The following MAP3K21 variants were observed in gnomAD, a reference collection of about 807,000 sequenced individuals.
MAP3K21 encodes the protein mitogen-activated protein kinase kinase kinase MLK4.
MAP3K21 carries 63 observed loss-of-function variants against 86.1 expected under a neutral mutation model. The ratio of observed to expected loss-of-function variants is 0.73; its 90% CI spans 0.60 to 0.90. The LOEUF (loss-of-function observed/expected upper bound fraction) is 0.90. Ranked by LOEUF, MAP3K21 falls within the 40% of genes least tolerant of loss-of-function variation. The probability of loss-of-function intolerance (pLI) is 0.00; values close to 1 mark genes in which losing one functional copy is unlikely to be tolerated. For missense variants in MAP3K21, 1,220 were observed against 1,367.7 expected (o/e 0.89, Z 1.70); for synonymous variants, 558 against 564.8 (o/e 0.99, Z 0.17).
intron 6 of MAP3K21, chr1:233,372,396 C>G (rs754397894): frequency 1.3e-4 from 58 of 448,438 alleles, no homozygotes; most frequent in Non-Finnish European, 2.1e-4. Flanking sequence ...CGACCTGGCC[C>G]CGGAGTAGAA....
chr1:233,331,148 C>T (rs1418677989), intron 1 of MAP3K21, among the ~76,000 whole-genome samples: 3 of 152,120 alleles, frequency 2.0e-5, no homozygotes, highest in African/African-American at 7.2e-5. Context: ...TGATTACATG[C>T]TGCTACTTAG....
intron 1 of MAP3K21, among the ~76,000 whole-genome samples, chr1:233,335,382 G>T (rs563309223): frequency 6.6e-6 from 1 of 152,000 alleles, no homozygotes; most frequent in African/African-American, 2.4e-5. Context: ...GCAAAACCAC[G>T]ATTACTTGTA....
chr1:233,354,897 T>C lies in MAP3K21; in HGVS notation c.1197T>C (p.Thr399=). 3 of 1,614,058 alleles carry C rather than the reference T, an allele frequency of 1.9e-6. No individual in the cohort carries two copies. The highest frequency in any genetic ancestry group is 2.5e-6 in the Non-Finnish European group (3 of 1,179,912). ...TTGCCTTAATTCTCGAACAGTTGACTGCTATTGAAGGGGCAGTGATGACTG... is the reference window on the plus strand; with the variant it reads ...TTGCCTTAATTCTCGAACAGTTGACCGCTATTGAAGGGGCAGTGATGACTG... ...PSFALILEQL[T]AIEGAVMTEM... The change falls in exon 4 of 10, where the codon ACT becomes ACC. Residue 399 remains threonine (T), a synonymous_variant. Transcript: ENST00000366624.
chr1:233,363,210 A>T (rs1663499126), intron 5 of MAP3K21, among the ~76,000 whole-genome samples: 1 of 152,202 alleles, frequency 6.6e-6, no homozygotes, highest in Non-Finnish European at 1.5e-5. Flanking sequence ...GAGTGCTCGG[A>T]CGGATTCTAG....
At chr1:233,365,386 G>C (rs144731638) in intron 5 of MAP3K21, among the ~76,000 whole-genome samples, 1,626 of 152,282 alleles carry the variant, frequency 0.011, 12 homozygotes, top group Non-Finnish European at 0.016. Flanking sequence ...CATCTGACAA[G>C]GGACTAGCAC....
chr1:233,380,440 G>A (rs528396797), intron 9 of MAP3K21, among the ~76,000 whole-genome samples: 5 of 152,210 alleles, frequency 3.3e-5, no homozygotes, highest in African/African-American at 1.2e-4. Context: ...AATCACCTCT[G>A]TACAGACCCT....
chr1:233,363,044 G>T (rs1168680717), intron 5 of MAP3K21, among the ~76,000 whole-genome samples: 1 of 151,994 alleles, frequency 6.6e-6, no homozygotes, highest in African/African-American at 2.4e-5. Context: ...CTTGTTGTAA[G>T]GAAAAAACAA....
intron 1 of MAP3K21, among the ~76,000 whole-genome samples, chr1:233,338,262 C>G (rs1225955415): frequency 1.3e-5 from 2 of 152,144 alleles, no homozygotes; most frequent in African/African-American, 4.8e-5. Context: ...TTACAGAAGC[C>G]TGTCTTCTTG....
chr1:233,358,060 T>G (rs1276744194), intron 4 of MAP3K21, among the ~76,000 whole-genome samples: 9 of 114,722 alleles, frequency 7.8e-5, no homozygotes, highest in Non-Finnish European at 1.3e-4. Flanking sequence ...GCCTGATGGG[T>G]TTTTTTTTTT....
rs147078665 is a variant in MAP3K21, at chr1:233,337,992, T to G, written c.806-8450T>G. ...GCATCTGGTTGTATTAAATATGTTA[T>G]GTTCTTGCTAATATATTAATGTAGA... On this transcript the variant is annotated intron_variant, in intron 1 of 9. Coordinates refer to ENST00000366624, the MANE Select transcript of MAP3K21 (RefSeq NM_032435.3). Among the ~76,000 whole-genome samples, 581 of 152,382 alleles carry G rather than the reference T, an allele frequency of 3.8e-3. 3 individuals carry two copies. Among genetic ancestry groups the G allele is most frequent in the African/African-American group, 0.012 (515 of 41,594 alleles).
rs925600456 is a variant in MAP3K21, at chr1:233,328,680, G to A, written c.652G>A (p.Ala218Thr). The change falls in exon 1 of 10, where the codon GCC (alanine) becomes ACC (threonine). Residue 218 changes from alanine (A) to threonine (T), a missense_variant. This residue lies in a region of MAP3K21 where 369 missense variants were observed against 385.3 expected (regional missense o/e 0.96). Transcript: ENST00000366624. The surrounding 1 kb of genome is among the most constrained non-coding windows in gnomAD (Gnocchi z 8.7). Reference protein sequence around the residue: ...LNRALAAANAAPDPRAPGPRR... With the variant: ...LNRALAAANATPDPRAPGPRR... Reference sequence around the variant, plus strand: ...CCGAGCGCTGGCCGCTGCCAACGCCGCCCCGGACCCGCGCGCGCCCGGCCC... The same window carrying A: ...CCGAGCGCTGGCCGCTGCCAACGCCACCCCGGACCCGCGCGCGCCCGGCCC... 9.0e-6 allele frequency: 12 copies of A among 1,327,302 alleles called. No homozygotes were observed. Among genetic ancestry groups the A allele is most frequent in the South Asian group, 2.3e-5 (1 of 44,348 alleles). 82.2% of individuals were successfully genotyped at this position (1,327,302 alleles called of 1,614,324 possible). A position where few individuals can be genotyped will look rare whatever the true frequency, so the allele number is the denominator to read the frequency against.
At chr1:233,356,555 A>G (rs1663362280) in intron 4 of MAP3K21, among the ~76,000 whole-genome samples, 1 of 152,238 alleles carries the variant, frequency 6.6e-6, no homozygotes, top group Non-Finnish European at 1.5e-5. Flanking sequence ...CTTACGCTGT[A>G]ATAGAGGCAT....
chr1:233,329,972 A>C (rs1416955533), intron 1 of MAP3K21, among the ~76,000 whole-genome samples: 1 of 152,248 alleles, frequency 6.6e-6, no homozygotes, highest in African/African-American at 2.4e-5. Context: ...AGATCGCTTC[A>C]TATTCTTATA....
intron 4 of MAP3K21, among the ~76,000 whole-genome samples, chr1:233,355,996 T>C (rs1203832710): frequency 6.6e-6 from 1 of 152,212 alleles, no homozygotes; most frequent in Non-Finnish European, 1.5e-5. Context: ...CCACCGCCCC[T>C]GTCCCCAGCC....
chr1:233,374,432 C>T (rs1392376531), intron 6 of MAP3K21, among the ~76,000 whole-genome samples: 1 of 152,202 alleles, frequency 6.6e-6, no homozygotes, highest in Non-Finnish European at 1.5e-5. Context: ...CCTTGGCCTC[C>T]TGAAGTGCTG....
chr1:233,337,402 A>G (rs964970924), intron 1 of MAP3K21, among the ~76,000 whole-genome samples: 1 of 152,186 alleles, frequency 6.6e-6, no homozygotes, highest in African/African-American at 2.4e-5. Context: ...TCATTTTAAT[A>G]TTTTACTTAG....
rs745393713 is a variant in MAP3K21, at chr1:233,354,800, G to A, written c.1136-36G>A. The A allele has an allele frequency of 4.4e-6, 7 of 1,575,066 alleles. No individual in the cohort carries two copies. The South Asian group carries it at 7.8e-5, about 18-fold the overall frequency. The stretch of plus-strand genomic sequence containing the variant: ...TTTCTTAGCAACTCTAAACTGCGTT[G>A]AGAGATGGTATTAATGTGATTTTTG... On this transcript the variant is annotated intron_variant, in intron 3 of 9. Coordinates refer to ENST00000366624, the MANE Select transcript of MAP3K21 (RefSeq NM_032435.3).
intron 5 of MAP3K21, among the ~76,000 whole-genome samples, chr1:233,365,599 C>T (rs147891345): frequency 8.5e-5 from 13 of 152,226 alleles, no homozygotes; most frequent in African/African-American, 3.1e-4. Context: ...GTTAGAATGG[C>T]TGTTATCAAA....
chr1:233,361,957 G>T, intron 4 of MAP3K21, 96 bp from the exon 5 acceptor site: 1 of 1,418,820 alleles, frequency 7.0e-7, no homozygotes, highest in Non-Finnish European at 9.5e-7. Flanking sequence ...TGCACAGGAG[G>T]AGCCCGTGGC....
Sources: allele counts gnomAD v4.1 joint callset (sites outside exome capture counted in the v4.1 genomes callset), GRCh38; gene constraint gnomAD v4.1.1; regional missense constraint gnomAD v4.1.1; non-coding constraint Gnocchi (gnomAD v3.1); transcripts MANE v1.5; gene names NCBI Gene and HGNC (gene_info 2026-07-23, HGNC 2026-07-21).